The following BACH2 variants were observed in gnomAD, a reference collection of about 807,000 sequenced individuals.
The protein encoded by BACH2 is transcription regulator protein BACH2.
A neutral mutation model predicts 61.8 loss-of-function variants in BACH2; 5 were observed. The observed-to-expected ratio is 0.08, with a 90% CI of 0.04 to 0.17. The LOEUF is 0.17. BACH2 is among the 10% of genes least tolerant of loss of function. BACH2 has a pLI of 1.00. For missense variants in BACH2, 824 were observed against 1,091.1 expected (o/e 0.76, Z 3.45); for synonymous variants, 446 against 440.1 (o/e 1.01, Z -0.17).
intron 2 of BACH2, among the ~76,000 whole-genome samples, chr6:90,262,989 AG>A (rs1486730316): frequency 6.6e-6 from 1 of 152,238 alleles, no homozygotes; most frequent in Non-Finnish European, 1.5e-5. Flanking sequence ...CACAGAAAAG[AG>A]TACAACAATT....
At chr6:90,273,241 C>T (rs1786568528) in intron 1 of BACH2, among the ~76,000 whole-genome samples, 1 of 152,072 alleles carries the variant, frequency 6.6e-6, no homozygotes, top group Non-Finnish European at 1.5e-5. Context: ...ACCTGTAGTC[C>T]TGGCTACTCA....
chr6:90,219,993 T>C (rs867927365), intron 3 of BACH2, among the ~76,000 whole-genome samples: 2 of 152,054 alleles, frequency 1.3e-5, no homozygotes, highest in African/African-American at 4.8e-5. Flanking sequence ...ACAGCCCACA[T>C]TGAAAGAGAT....
chr6:90,103,030 T>TATATATATATATATA (rs371402979), intron 4 of BACH2, among the ~76,000 whole-genome samples: 2 of 20,382 alleles, frequency 9.8e-5, no homozygotes, highest in African/African-American at 3.8e-4. Flanking sequence ...TATATATATA[T>TATATATATATATATA]TTTTTTTTTT....
At chr6:90,155,067 C>T (rs1004514367) in intron 4 of BACH2, among the ~76,000 whole-genome samples, 6 of 152,272 alleles carry the variant, frequency 3.9e-5, no homozygotes, top group South Asian at 2.1e-4. Context: ...GGAGTGTCTG[C>T]GATCTGTAAT....
At chr6:90,241,134 CA>C (rs1180464043) in intron 3 of BACH2, among the ~76,000 whole-genome samples, 5,096 of 56,264 alleles carry the variant, frequency 0.091, 149 homozygotes, top group African/African-American at 0.2. Flanking sequence ...GACTCCAACT[CA>C]AAAAAAAAAA....
At chr6:90,261,611 T>C (rs1771160141) in intron 2 of BACH2, among the ~76,000 whole-genome samples, 1 of 152,130 alleles carries the variant, frequency 6.6e-6, no homozygotes, top group Non-Finnish European at 1.5e-5. Context: ...TTTGGGTTCG[T>C]GGAGCACCCT....
At chr6:90,258,110 CTTG>C (rs1771043278) in intron 2 of BACH2, among the ~76,000 whole-genome samples, 1 of 152,146 alleles carries the variant, frequency 6.6e-6, no homozygotes, top group South Asian at 2.1e-4. Context: ...GGCCTGAGCT[CTTG>C]TTGTGATATC....
At chr6:90,133,802 T>G (rs1784182416) in intron 4 of BACH2, among the ~76,000 whole-genome samples, 1 of 152,220 alleles carries the variant, frequency 6.6e-6, no homozygotes, top group Non-Finnish European at 1.5e-5. Context: ...TTTGGTTTTT[T>G]GCCCTTGCGA....
At chr6:90,044,007 T>C (rs1380436961) in intron 5 of BACH2, among the ~76,000 whole-genome samples, 1 of 152,180 alleles carries the variant, frequency 6.6e-6, no homozygotes, top group African/African-American at 2.4e-5. Flanking sequence ...TCCATCAATA[T>C]TGATGGAGTG....
intron 4 of BACH2, among the ~76,000 whole-genome samples, chr6:90,148,851 T>C (rs957572703): frequency 6.6e-6 from 1 of 152,134 alleles, no homozygotes; most frequent in Non-Finnish European, 1.5e-5. Flanking sequence ...AAATCAGTAA[T>C]AGGTTTTGAA....
chr6:89,970,218 G>C (rs1562334157), intron 6 of BACH2, among the ~76,000 whole-genome samples: 2 of 152,262 alleles, frequency 1.3e-5, no homozygotes, highest in Non-Finnish European at 2.9e-5. Context: ...CTCGTGAGGA[G>C]TAAGGACAGT....
intron 3 of BACH2, among the ~76,000 whole-genome samples, chr6:90,214,677 T>C (rs1769469114): frequency 6.6e-6 from 1 of 151,620 alleles, no homozygotes; most frequent in South Asian, 2.1e-4. Flanking sequence ...CTTTCATTAA[T>C]CTGCAGAAGA....
intron 4 of BACH2, among the ~76,000 whole-genome samples, chr6:90,159,483 A>T (rs1302379796): frequency 6.6e-6 from 1 of 152,240 alleles, no homozygotes; most frequent in African/African-American, 2.4e-5. Context: ...TAGACTACAC[A>T]AATCCCTTTG....
intron 4 of BACH2, among the ~76,000 whole-genome samples, chr6:90,165,796 A>C (rs1767590563): frequency 6.6e-6 from 1 of 152,226 alleles, no homozygotes; most frequent in South Asian, 2.1e-4. Context: ...TGAGAAAAAC[A>C]AGAAATAGGG....
intron 4 of BACH2, among the ~76,000 whole-genome samples, chr6:90,147,113 G>A (rs933358161): frequency 2.6e-5 from 4 of 151,796 alleles, no homozygotes; most frequent in Admixed American, 6.6e-5. Flanking sequence ...ATAGAAATGG[G>A]TAACTTGCTA....
At chr6:89,958,457 C>T (rs969101173) in intron 6 of BACH2, among the ~76,000 whole-genome samples, 2 of 152,194 alleles carry the variant, frequency 1.3e-5, no homozygotes, top group African/African-American at 4.8e-5. Context: ...GTTTCTACAA[C>T]TGTAAGACAG....
chr6:90,279,983 G>A (rs557373191), intron 1 of BACH2, among the ~76,000 whole-genome samples: 2 of 152,238 alleles, frequency 1.3e-5, no homozygotes, highest in South Asian at 2.1e-4. Flanking sequence ...ATGGCCTTTT[G>A]AGGGGAAAAA....
chr6:90,086,519 G>C (rs764314339), intron 5 of BACH2, among the ~76,000 whole-genome samples: 5 of 152,110 alleles, frequency 3.3e-5, no homozygotes, highest in Non-Finnish European at 1.5e-5. Context: ...CATGCCCCCT[G>C]TCGCCCTCTG....
chr6:89,932,646 C>T lies in BACH2; in HGVS notation c.2288G>A (p.Gly763Glu), dbSNP rs1772735839. The T allele has an allele frequency of 2.5e-6, 4 of 1,614,142 alleles. No homozygotes were observed. The highest frequency in any genetic ancestry group is 1.7e-4 in the Middle Eastern group (1 of 6,056). ...QNIAASQCAV[G>E]ENVPCCLEPG... is the part of the protein sequence containing the mutation. Reference sequence around the variant, plus strand: ...CTCCAAGCAGCAGGGCACGTTTTCCCCCACTGCGCATTGGGAGGCCGCAAT... The same window carrying T: ...CTCCAAGCAGCAGGGCACGTTTTCCTCCACTGCGCATTGGGAGGCCGCAAT... The change falls in exon 9 of 9, where the codon GGG becomes GAG. Residue 763 changes from glycine to glutamate, a missense_variant. Physicochemically the swap from Gly to Glu is moderately conservative, Grantham distance 98. This residue lies in a region of BACH2 where 135 missense variants were observed against 142.7 expected (regional missense o/e 0.95). Transcript: ENST00000257749.
Sources: allele counts gnomAD v4.1 joint callset (sites outside exome capture counted in the v4.1 genomes callset), GRCh38; gene constraint gnomAD v4.1.1; regional missense constraint gnomAD v4.1.1; transcripts MANE v1.5; gene names NCBI Gene and HGNC (gene_info 2026-07-23, HGNC 2026-07-21).